Variants in ARL6 observed in about 807,000 individuals in gnomAD.
ARL6 encodes the protein ADP-ribosylation factor-like protein 6.
In ARL6, 18 loss-of-function variants were observed where a neutral mutation model predicts 27.1. That is an observed-to-expected ratio of 0.66 (90% CI 0.46 to 0.98). The LOEUF is 0.98. ARL6 is among the 50% of genes least tolerant of loss of function. ARL6 has a pLI of 0.00. For missense variants in ARL6, 187 were observed against 214.9 expected (o/e 0.87, Z 0.81); for synonymous variants, 65 against 72.3 (o/e 0.90, Z 0.51).
At chr3:97,777,121 G>A (rs1033497964) in intron 2 of ARL6, among the ~76,000 whole-genome samples, 2 of 152,176 alleles carry the variant, frequency 1.3e-5, no homozygotes, top group African/African-American at 4.8e-5. Flanking sequence ...TTGGCACTTT[G>A]GATGAGTAGA....
At chr3:97,766,464 C>T (rs183937428) in intron 1 of ARL6, among the ~76,000 whole-genome samples, 4 of 152,308 alleles carry the variant, frequency 2.6e-5, no homozygotes, top group Non-Finnish European at 5.9e-5. Flanking sequence ...TGAGGTCAAA[C>T]TCATCCTTGG....
chr3:97,772,998 A>G (rs1278528354), intron 2 of ARL6, among the ~76,000 whole-genome samples: 1 of 152,030 alleles, frequency 6.6e-6, no homozygotes, highest in East Asian at 1.9e-4. Context: ...AGATTTTGGT[A>G]TGTTGTATTT....
At chr3:97,782,986 T>C (rs2108044992) in intron 4 of ARL6, among the ~76,000 whole-genome samples, 1 of 151,012 alleles carries the variant, frequency 6.6e-6, no homozygotes, top group South Asian at 2.1e-4. Context: ...ATTTTTCTTT[T>C]CTTTTTTTTT....
At chr3:97,792,548 A>G (rs2037792271) in intron 7 of ARL6, among the ~76,000 whole-genome samples, 1 of 152,228 alleles carries the variant, frequency 6.6e-6, no homozygotes, top group African/African-American at 2.4e-5. Flanking sequence ...GCATGTATAC[A>G]CAACTTGTAA....
Position 97,800,896 on chromosome 3 carries a change from T to G in ARL6, c.*2847T>G, listed in dbSNP as rs1338080644. The G allele has an allele frequency of 6.6e-6, 1 of 152,212 alleles. No homozygotes were observed. Among genetic ancestry groups the G allele is most frequent in the Non-Finnish European group, 1.5e-5 (1 of 68,046 alleles). The allele number at this position is 152,212 out of a possible 1,614,324, so 9.4% of individuals were successfully genotyped here. ...GAGGACAAGAGAACTCTCTGGAGTCTGTTTGATAAGAGCATGAATCCCATT... is the reference window on the plus strand; with the variant it reads ...GAGGACAAGAGAACTCTCTGGAGTCGGTTTGATAAGAGCATGAATCCCATT... On this transcript the variant is annotated 3_prime_UTR_variant, in exon 8 of 8. Transcript: ENST00000463745.
At chr3:97,767,415 T>C (rs1467113409) in intron 1 of ARL6, among the ~76,000 whole-genome samples, 1 of 152,142 alleles carries the variant, frequency 6.6e-6, no homozygotes, top group Non-Finnish European at 1.5e-5. Context: ...ACAAAGGGAT[T>C]TGTGGTGACT....
At position 97,798,201 on chromosome 3, in the gene ARL6, C is replaced by A; in HGVS notation, c.*152C>A. ...TGACCTTTTTAAGAACATAGGACTTCAGGTATGCTAATTTGGCCATTAATT... is the reference window on the plus strand; with the variant it reads ...TGACCTTTTTAAGAACATAGGACTTAAGGTATGCTAATTTGGCCATTAATT... On this transcript the variant is annotated 3_prime_UTR_variant, in exon 8 of 8. Transcript: ENST00000463745. 1 of 743,126 alleles carries A rather than the reference C, an allele frequency of 1.3e-6. No homozygotes were observed. Among genetic ancestry groups the A allele is most frequent in the Non-Finnish European group, 2.3e-6 (1 of 440,168 alleles). The allele number at this position is 743,126 out of a possible 1,614,324, so 46.0% of individuals were successfully genotyped here. A position where few individuals can be genotyped will look rare whatever the true frequency, so the allele number is the denominator to read the frequency against.
chr3:97,779,793 G>GA (rs1304847807), intron 2 of ARL6, among the ~76,000 whole-genome samples: 2 of 151,854 alleles, frequency 1.3e-5, no homozygotes, highest in African/African-American at 4.8e-5. Context: ...GTGAAGCCGG[G>GA]AGGTGGAGCT....
At chr3:97,765,704 C>A (rs541081861) in intron 1 of ARL6, among the ~76,000 whole-genome samples, 1 of 152,256 alleles carries the variant, frequency 6.6e-6, no homozygotes, top group African/African-American at 2.4e-5. Context: ...ACTACAGATG[C>A]CCTGATCTTA....
At chr3:97,783,633 G>A (rs940108043) in intron 4 of ARL6, among the ~76,000 whole-genome samples, 2 of 151,574 alleles carry the variant, frequency 1.3e-5, no homozygotes, top group Non-Finnish European at 3.0e-5. Flanking sequence ...TATATGTACT[G>A]GTAATGTATG....
intron 7 of ARL6, among the ~76,000 whole-genome samples, chr3:97,792,813 A>C (rs1347310358): frequency 2.0e-5 from 3 of 152,186 alleles, no homozygotes; most frequent in African/African-American, 4.8e-5. Flanking sequence ...CAAGTCAGAA[A>C]TTCCATTTCT....
intron 2 of ARL6, among the ~76,000 whole-genome samples, chr3:97,771,446 A>G (rs1050798794): frequency 6.6e-6 from 1 of 152,138 alleles, no homozygotes; most frequent in Non-Finnish European, 1.5e-5. Context: ...ATATAAGAAC[A>G]TGTCATCTGC....
intron 7 of ARL6, among the ~76,000 whole-genome samples, chr3:97,794,177 T>TTGTG (rs370867493): frequency 0.28 from 38,003 of 137,182 alleles, 5,135 homozygotes; most frequent in East Asian, 0.42. Context: ...TTTCTTTCTT[T>TTGTG]TGTGTGTGTG....
At chr3:97,767,404 C>T (rs2036435543) in intron 1 of ARL6, among the ~76,000 whole-genome samples, 1 of 152,022 alleles carries the variant, frequency 6.6e-6, no homozygotes, top group African/African-American at 2.4e-5. Flanking sequence ...TAACCTTCTT[C>T]ACAAAGGGAT....
chr3:97,795,416 C>A (rs1010716877), intron 7 of ARL6, among the ~76,000 whole-genome samples: 1 of 152,108 alleles, frequency 6.6e-6, no homozygotes, highest in Admixed American at 6.6e-5. Flanking sequence ...ATTAGACTTA[C>A]AAACTATGCA....
rs547284663 is a variant in ARL6, at chr3:97,780,139, C to T, written c.124-20C>T. The stretch of plus-strand genomic sequence containing the variant: ...TCTCTGGTAATTGTAAATTTCTGAA[C>T]TTTGTCTTTTCTCTTAAAGGCTCAA... On this transcript the variant is annotated intron_variant, in intron 2 of 7. Transcript: ENST00000463745. The T allele has an allele frequency of 3.7e-6, 6 of 1,603,632 alleles. No individual in the cohort carries two copies. The highest frequency in any genetic ancestry group is 3.3e-5 in the South Asian group (3 of 90,860).
chr3:97,776,455 A>G (rs2108014875), intron 2 of ARL6, among the ~76,000 whole-genome samples: 1 of 152,216 alleles, frequency 6.6e-6, no homozygotes, highest in African/African-American at 2.4e-5. Context: ...ACTGATAGGT[A>G]AGGACTTACT....
chr3:97,775,033 T>C (rs2036824831), intron 2 of ARL6, among the ~76,000 whole-genome samples: 1 of 152,174 alleles, frequency 6.6e-6, no homozygotes, highest in Non-Finnish European at 1.5e-5. Context: ...TGCATAACTC[T>C]CTAAACAGTT....
chr3:97,774,384 A>G (rs2036794470), intron 2 of ARL6, among the ~76,000 whole-genome samples: 1 of 148,924 alleles, frequency 6.7e-6, no homozygotes, highest in African/African-American at 2.6e-5. Context: ...GTGACTCTTG[A>G]GGAGAATCAA....
Sources: gnomAD v4.1 joint callset for allele counts (sites outside exome capture counted in the v4.1 genomes callset) on GRCh38, gnomAD v4.1.1 for gene constraint, MANE v1.5 for transcripts, NCBI Gene and HGNC (gene_info 2026-07-23, HGNC 2026-07-21) for gene names.